GAPDHS: variants seen among roughly 807,000 people sequenced by gnomAD.
The protein encoded by GAPDHS is glyceraldehyde-3-phosphate dehydrogenase, testis-specific.
A neutral mutation model predicts 48.7 loss-of-function variants in GAPDHS; 42 were observed. The ratio of observed to expected loss-of-function variants is 0.86; its 90% CI spans 0.67 to 1.12. The LOEUF (loss-of-function observed/expected upper bound fraction) is 1.12, where lower values mean the gene tolerates loss of function less well. GAPDHS is among the 50% of genes most tolerant of loss of function. The pLI is 0.00. For missense variants in GAPDHS, 512 were observed against 557.7 expected, an observed-to-expected ratio of 0.92 and a Z score of 0.82; for synonymous variants, 166 against 219.1, an observed-to-expected ratio of 0.76 and a Z score of 2.14.
At chr19:35,539,871 T>C (rs2071490117) in intron 4 of GAPDHS, among the ~76,000 whole-genome samples, 2 of 152,154 alleles carry the variant, frequency 1.3e-5, no homozygotes, top group African/African-American at 4.8e-5. Flanking sequence ...TTACCGCCAC[T>C]TGGAGTCATC....
In GAPDHS at chr19:35,542,423, A is replaced by C. The variant is rs2071510380; in HGVS notation, c.540+14A>C. On this transcript the variant is annotated intron_variant, in intron 5 of 10. Transcript: ENST00000222286. The stretch of plus-strand genomic sequence containing the variant: ...CAGGCAGCTTCGGTAAGCTGGGGAG[A>C]GGTGCCCAGGGCTAGCTGGGGGGAT... The C allele has an allele frequency of 6.2e-7, 1 of 1,606,382 alleles. No homozygotes were observed. The highest frequency in any genetic ancestry group is 1.3e-5 in the African/African-American group (1 of 74,692).
chr19:35,544,958 C>T lies in GAPDHS; in HGVS notation c.1106C>T (p.Ala369Val), dbSNP rs755777177. 1.8e-5 allele frequency: 29 copies of T among 1,613,804 alleles called. No individual in the cohort carries two copies. In the African/African-American group the frequency reaches 2.8e-4, roughly 16 times the overall value. Residue 369 changes from alanine to valine, a missense_variant, in exon 10 of 11, where the codon GCT (alanine) becomes GTT (valine). Transcript: ENST00000222286. ...GATACCCACTCGTCCATCTTCGATG[C>T]TAAGGCCGGCATTGCGCTCAATGAC... Reference protein sequence around the residue: ...LGDTHSSIFDAKAGIALNDNF... With the variant: ...LGDTHSSIFDVKAGIALNDNF...
At chr19:35,539,800 T>C (rs1278082362) in intron 4 of GAPDHS, among the ~76,000 whole-genome samples, 11 of 152,218 alleles carry the variant, frequency 7.2e-5, no homozygotes, top group Admixed American at 2.0e-4. Flanking sequence ...TTTGAAATCA[T>C]GACACTAGAA....
chr19:35,535,623 G>A (rs943634914), intron 1 of GAPDHS, among the ~76,000 whole-genome samples: 6 of 152,060 alleles, frequency 3.9e-5, no homozygotes, highest in South Asian at 2.1e-4. Flanking sequence ...CCAACCTCAG[G>A]TGATCTGCCT....
At position 35,543,771 on chromosome 19, in the gene GAPDHS, G is replaced by A. The variant is rs774209595; in HGVS notation, c.1000G>A (p.Val334Ile). The A allele has an allele frequency of 1.9e-6, 3 of 1,613,890 alleles. No homozygotes were observed. The highest frequency in any genetic ancestry group is 1.1e-5 in the South Asian group (1 of 91,086). Residue 334 changes from valine to isoleucine, a missense_variant, in exon 9 of 11, where the codon GTA becomes ATA. Transcript: ENST00000222286. ...CCCCTACTCAGCCATCAAGGAGGCT[G>A]TAAAAGCAGCAGCCAAGGGGCCCAT... ...PAPYSAIKEA[V>I]KAAAKGPMAG...
chr19:35,543,845 G>A lies in GAPDHS; in HGVS notation c.1056+18G>A. The A allele has an allele frequency of 6.3e-7, 1 of 1,582,960 alleles. No homozygotes were observed. The highest frequency in any genetic ancestry group is 8.6e-7 in the Non-Finnish European group (1 of 1,165,370). ...AGGATGAGGTAGGGGCTGAGGAGAGGAGACCCTGGGAGGAGCCCTCTGGGA... is the reference window on the plus strand; with the variant it reads ...AGGATGAGGTAGGGGCTGAGGAGAGAAGACCCTGGGAGGAGCCCTCTGGGA... On this transcript the variant is annotated intron_variant, in intron 9 of 10. Coordinates refer to ENST00000222286, the MANE Select transcript of GAPDHS (RefSeq NM_014364.5).
At chr19:35,533,780 T>G (rs1208527399) in intron 1 of GAPDHS, among the ~76,000 whole-genome samples, 186 bp downstream of exon 1, 1 of 152,164 alleles carries the variant, frequency 6.6e-6, no homozygotes, top group African/African-American at 2.4e-5. Context: ...TTTACTGCCA[T>G]GGCGGGGAGA....
intron 6 of GAPDHS, 47 bp downstream of exon 6, chr19:35,542,655 C>T (rs938834497): frequency 2.4e-6 from 3 of 1,241,436 alleles, no homozygotes; most frequent in East Asian, 2.3e-5. Context: ...GGAGGGTAGA[C>T]TCGTCCTCCC....
intron 1 of GAPDHS, among the ~76,000 whole-genome samples, chr19:35,534,823 G>A (rs537129872): frequency 1.3e-5 from 2 of 152,108 alleles, no homozygotes; most frequent in Admixed American, 6.5e-5. Context: ...ACAGGGAGAG[G>A]TCAGGGAGAC....
At chr19:35,539,848 G>A (rs997904687) in intron 4 of GAPDHS, among the ~76,000 whole-genome samples, 12 of 152,146 alleles carry the variant, frequency 7.9e-5, no homozygotes, top group East Asian at 3.8e-4. Context: ...AGACTTCAAC[G>A]TGGCCACCAC....
At chr19:35,536,037 G>T (rs2071464082) in intron 1 of GAPDHS, among the ~76,000 whole-genome samples, 1 of 152,024 alleles carries the variant, frequency 6.6e-6, no homozygotes. Context: ...ACCACGCCTG[G>T]CCACTCCGAC....
At position 35,542,962 on chromosome 19, in the gene GAPDHS, C is replaced by T. The variant is rs898856647; in HGVS notation, c.677C>T (p.Thr226Ile). The T allele has an allele frequency of 4.3e-6, 7 of 1,614,090 alleles. No individual in the cohort carries two copies. Among genetic ancestry groups the T allele is most frequent in the Non-Finnish European group, 5.9e-6 (7 of 1,179,918 alleles). The change falls in exon 7 of 11, where the codon ACC (threonine) becomes ATC (isoleucine). Residue 226 changes from threonine to isoleucine, a missense_variant. Thr to Ile is a moderately conservative substitution (Grantham distance 89). Coordinates refer to ENST00000222286, the MANE Select transcript of GAPDHS (RefSeq NM_014364.5). ...TGTTTCAGCAACGCGTCCTGCACCA[C>T]CAACTGTTTGGCTCCCCTCGCCAAA... ...MNIVSNASCT[T>I]NCLAPLAKVI...
At chr19:35,542,040 G>C in intron 4 of GAPDHS, 1 of 480,692 alleles carries the variant, frequency 2.1e-6, no homozygotes, top group Non-Finnish European at 3.8e-6. Context: ...TGGCGCCTCT[G>C]AGGAGGTTGA....
Position 35,536,913 on chromosome 19 carries a change from A to C in GAPDHS, c.168A>C (p.Pro56=). The C allele has an allele frequency of 6.2e-7, 1 of 1,614,042 alleles. No individual in the cohort carries two copies. Among genetic ancestry groups the C allele is most frequent in the Non-Finnish European group, 8.5e-7 (1 of 1,179,986 alleles). Residue 56 remains proline (P), a synonymous_variant, in exon 2 of 11, where the codon CCA becomes CCC. Transcript: ENST00000222286. ...PVREEIKPPP[P]PLPPHPATPP... The stretch of plus-strand genomic sequence containing the variant: ...GGGAGGAAATAAAGCCACCACCGCC[A>C]CCACTGCCTCCTCACCCCGCTACTC...
chr19:35,542,308 C>T lies in GAPDHS; in HGVS notation c.450-11C>T, dbSNP rs746154285. The T allele has an allele frequency of 1.3e-6, 2 of 1,595,868 alleles. No individual in the cohort carries two copies. The highest frequency in any genetic ancestry group is 1.7e-6 in the Non-Finnish European group (2 of 1,165,040). ...AGGGGAGACTGACTCAGCCCTGCCACTTCCCCACAGCAAAGAGCCCAAACA... is the reference window on the plus strand; with the variant it reads ...AGGGGAGACTGACTCAGCCCTGCCATTTCCCCACAGCAAAGAGCCCAAACA... On this transcript the variant is annotated splice_polypyrimidine_tract_variant and intron_variant, in intron 4 of 10. Coordinates refer to ENST00000222286, the MANE Select transcript of GAPDHS (RefSeq NM_014364.5).
chr19:35,535,322 G>GTA (rs771438908), intron 1 of GAPDHS, among the ~76,000 whole-genome samples: 9 of 152,218 alleles, frequency 5.9e-5, no homozygotes, highest in Non-Finnish European at 1.3e-4. Flanking sequence ...GTTTCACAGA[G>GTA]TATGATACAC....
Position 35,543,782 on chromosome 19 carries a change from A to G in GAPDHS, c.1011A>G (p.Ala337=). Residue 337 remains alanine, a synonymous_variant, in exon 9 of 11, where the codon GCA becomes GCG. Transcript: ENST00000222286. ...CCATCAAGGAGGCTGTAAAAGCAGC[A>G]GCCAAGGGGCCCATGGCTGGCATCC... is the stretch of plus-strand genomic sequence containing the variant. ...YSAIKEAVKA[A]AKGPMAGILA... 6.2e-7 allele frequency: 1 copy of G among 1,613,830 alleles called. No homozygotes were observed. Among genetic ancestry groups the G allele is most frequent in the Non-Finnish European group, 8.5e-7 (1 of 1,179,968 alleles).
Position 35,542,950 on chromosome 19 carries a change from C to T in GAPDHS, c.665C>T (p.Ala222Val), listed in dbSNP as rs569149295. The T allele has an allele frequency of 1.1e-4, 171 of 1,613,568 alleles. 2 individuals are homozygous for T. The Middle Eastern group carries it at 1.6e-3, about 16-fold the overall frequency. Residue 222 changes from alanine to valine, a missense_variant, in exon 7 of 11, where the codon GCG becomes GTG. By Grantham distance (64) the Ala-to-Val change is moderately conservative (BLOSUM62 0). Coordinates refer to ENST00000222286, the MANE Select transcript of GAPDHS (RefSeq NM_014364.5). ...GCACACCTTGGCTGTTTCAGCAACG[C>T]GTCCTGCACCACCAACTGTTTGGCT... ...NPGSMNIVSN[A>V]SCTTNCLAPL... is the part of the protein sequence containing the mutation.
At position 35,543,001 on chromosome 19, in the gene GAPDHS, G is replaced by A. The variant is rs776349977; in HGVS notation, c.716G>A (p.Arg239Gln). ...LAPLAKVIHE[R>Q]FGIVEGLMTT... ...CCCCTCGCCAAAGTCATCCACGAGC[G>A]ATTTGGGATCGTGGAAGGGTTGATG... The change falls in exon 7 of 11, where the codon CGA (arginine) becomes CAA (glutamine). Residue 239 changes from arginine (R) to glutamine (Q), a missense_variant. Transcript: ENST00000222286. 111 of 1,613,590 alleles carry A rather than the reference G, an allele frequency of 6.9e-5. No homozygotes were observed. Among genetic ancestry groups the A allele is most frequent in the Middle Eastern group, 1.6e-4 (1 of 6,084 alleles).
Sources: gnomAD v4.1 joint callset for allele counts (sites outside exome capture counted in the v4.1 genomes callset) on GRCh38, gnomAD v4.1.1 for gene constraint, MANE v1.5 for transcripts, NCBI Gene and HGNC (gene_info 2026-07-23, HGNC 2026-07-21) for gene names.